LINGO2: variants seen among roughly 807,000 people sequenced by gnomAD.
LINGO2 encodes leucine-rich repeat and immunoglobulin-like domain-containing nogo receptor-interacting protein 2.
Under a neutral mutation model 30.6 loss-of-function variants are expected in LINGO2, and 14 were observed. That is an observed-to-expected ratio of 0.46 (90% CI 0.30 to 0.72). The LOEUF (loss-of-function observed/expected upper bound fraction) is 0.72. Ranked by LOEUF, LINGO2 falls within the 30% of genes least tolerant of loss-of-function variation. The probability of loss-of-function intolerance (pLI) is 0.07; values close to 1 mark genes in which losing one functional copy is unlikely to be tolerated. For synonymous variants in LINGO2, 317 were observed against 288.5 expected (o/e 1.10, Z -1.00); for missense variants, 729 against 751.7 (o/e 0.97, Z 0.35).
At chr9:28,268,701 T>A (rs1822838695) in intron 4 of LINGO2, among the ~76,000 whole-genome samples, 1 of 152,076 alleles carries the variant, frequency 6.6e-6, no homozygotes, top group Non-Finnish European at 1.5e-5. Context: ...CCAAAAGAAT[T>A]AAAAGTACAT....
intron 3 of LINGO2, among the ~76,000 whole-genome samples, chr9:28,365,487 C>T (rs996251886): frequency 5.3e-5 from 8 of 152,090 alleles, no homozygotes; most frequent in African/African-American, 1.9e-4. Context: ...CTGCAACACC[C>T]CCTAGTGCAA....
intron 4 of LINGO2, among the ~76,000 whole-genome samples, chr9:28,236,448 T>C (rs982105875): frequency 2.0e-5 from 3 of 152,188 alleles, no homozygotes; most frequent in African/African-American, 7.2e-5. Context: ...ACAGTAATTG[T>C]AGTGTGTATA....
chr9:28,376,739 A>G (rs1024151970), intron 2 of LINGO2, among the ~76,000 whole-genome samples: 1 of 152,194 alleles, frequency 6.6e-6, no homozygotes, highest in Non-Finnish European at 1.5e-5. Flanking sequence ...TCTGTCTTAG[A>G]GTTTGTTTCA....
chr9:28,724,667 C>A, the LINGO2 span, among the ~76,000 whole-genome samples: 3 of 152,188 alleles, frequency 2.0e-5, no homozygotes, highest in East Asian at 5.8e-4. Context: ...TCAATATCAG[C>A]AAACAGCTGA....
intron 4 of LINGO2, among the ~76,000 whole-genome samples, chr9:28,059,095 T>A (rs562261372): frequency 6.6e-6 from 1 of 152,224 alleles, no homozygotes; most frequent in Middle Eastern, 3.4e-3. Context: ...GGAGGGAAAC[T>A]GAGGCAGGGC....
the LINGO2 span, among the ~76,000 whole-genome samples, chr9:28,734,074 CTA>C: frequency 2.6e-5 from 4 of 151,860 alleles, no homozygotes; most frequent in African/African-American, 9.7e-5. Flanking sequence ...TTCTCTCTCT[CTA>C]TATATATATA....
intron 4 of LINGO2, among the ~76,000 whole-genome samples, chr9:28,133,968 C>T (rs1313949999): frequency 6.6e-6 from 1 of 152,136 alleles, no homozygotes; most frequent in African/African-American, 2.4e-5. Context: ...CCAAAAAGAA[C>T]TCTCAATAAA....
intron 4 of LINGO2, among the ~76,000 whole-genome samples, chr9:28,244,116 A>G (rs898554583): frequency 1.3e-5 from 2 of 152,214 alleles, no homozygotes; most frequent in Non-Finnish European, 1.5e-5. Context: ...CAGAAATCAT[A>G]CAAACAGTCT....
At chr9:29,178,763 A>T in the LINGO2 span, among the ~76,000 whole-genome samples, 5 of 152,082 alleles carry the variant, frequency 3.3e-5, no homozygotes, top group African/African-American at 1.2e-4. Context: ...CTAAGCACAG[A>T]GTTAGAGCCA....
At chr9:29,159,439 GTTGA>G in the LINGO2 span, among the ~76,000 whole-genome samples, 1 of 152,192 alleles carries the variant, frequency 6.6e-6, no homozygotes, top group Admixed American at 6.5e-5. Flanking sequence ...TATTGAAGCT[GTTGA>G]TTAAGAAGTT....
chr9:28,645,161 C>A (rs922613351), intron 1 of LINGO2, among the ~76,000 whole-genome samples: 1 of 151,942 alleles, frequency 6.6e-6, no homozygotes, highest in Non-Finnish European at 1.5e-5. Flanking sequence ...TACCTTAATT[C>A]GGTGTTTTCC....
the LINGO2 span, among the ~76,000 whole-genome samples, chr9:28,767,262 G>C: frequency 2.8e-4 from 43 of 152,088 alleles, no homozygotes; most frequent in Admixed American, 8.5e-4. Flanking sequence ...CTAAAAAAAG[G>C]TATGAGGAGA....
At chr9:28,323,816 G>A (rs1825131926) in intron 3 of LINGO2, among the ~76,000 whole-genome samples, 1 of 152,162 alleles carries the variant, frequency 6.6e-6, no homozygotes, top group African/African-American at 2.4e-5. Context: ...AGAGGCTGAG[G>A]AGGAATCATC....
chr9:28,775,446 A>G, the LINGO2 span, among the ~76,000 whole-genome samples: 1 of 152,136 alleles, frequency 6.6e-6, no homozygotes, highest in African/African-American at 2.4e-5. Flanking sequence ...CCTGCCTGAT[A>G]ATTTTCTAAA....
At chr9:28,142,798 C>A (rs1340088585) in intron 4 of LINGO2, among the ~76,000 whole-genome samples, 3 of 152,104 alleles carry the variant, frequency 2.0e-5, no homozygotes, top group Non-Finnish European at 4.4e-5. Flanking sequence ...ATCTGGCTCC[C>A]TGTTTGCCAA....
chr9:29,194,886 C>G, the LINGO2 span, among the ~76,000 whole-genome samples: 1 of 152,094 alleles, frequency 6.6e-6, no homozygotes, highest in Non-Finnish European at 1.5e-5. Context: ...ATAACTTGTA[C>G]TCATTTGTGA....
At chr9:27,997,633 A>G (rs1821735703) in intron 5 of LINGO2, among the ~76,000 whole-genome samples, 1 of 152,170 alleles carries the variant, frequency 6.6e-6, no homozygotes, top group Non-Finnish European at 1.5e-5. Flanking sequence ...GTGGCAGGCA[A>G]TTTGCTTTTA....
chr9:29,128,164 C>T, the LINGO2 span, among the ~76,000 whole-genome samples: 1 of 152,080 alleles, frequency 6.6e-6, no homozygotes, highest in Non-Finnish European at 1.5e-5. Context: ...CAAAGTGGCA[C>T]CAGTGCCCAC....
chr9:28,145,777 A>T (rs141787736), intron 4 of LINGO2, among the ~76,000 whole-genome samples: 5 of 152,190 alleles, frequency 3.3e-5, no homozygotes, highest in African/African-American at 1.2e-4. Flanking sequence ...AATTTTAAAC[A>T]TTAAAAGGTC....
Sources: gnomAD v4.1 joint callset for allele counts (sites outside exome capture counted in the v4.1 genomes callset) on GRCh38, gnomAD v4.1.1 for gene constraint, MANE v1.5 for transcripts, NCBI Gene and HGNC (gene_info 2026-07-23, HGNC 2026-07-21) for gene names.